The following SIPA1L3 variants were observed in gnomAD, a reference collection of about 807,000 sequenced individuals.
SIPA1L3 encodes signal induced proliferation associated 1 like 3.
Under a neutral mutation model 150.1 loss-of-function variants are expected in SIPA1L3, and 59 were observed. The observed-to-expected ratio is 0.39, with a 90% CI of 0.32 to 0.49. The LOEUF (loss-of-function observed/expected upper bound fraction) is 0.49. SIPA1L3 is among the 20% of genes least tolerant of loss of function. The pLI, the probability that SIPA1L3 is intolerant of heterozygous loss-of-function variation, is 0.86. For missense variants in SIPA1L3, 2,211 were observed against 2,489.5 expected (o/e 0.89, Z 2.38); for synonymous variants, 1,070 against 1,077.6 (o/e 0.99, Z 0.14).
intron 1 of SIPA1L3, among the ~76,000 whole-genome samples, chr19:37,928,986 G>A (rs968296237): frequency 3.9e-5 from 6 of 152,328 alleles, no homozygotes; most frequent in Admixed American, 1.3e-4. Context: ...CAAGGCTCCA[G>A]TTGGCACACA....
At chr19:38,146,119 A>G (rs759587465) in intron 12 of SIPA1L3, among the ~76,000 whole-genome samples, 1 of 152,208 alleles carries the variant, frequency 6.6e-6, no homozygotes, top group Non-Finnish European at 1.5e-5. Flanking sequence ...CCACCTGGAC[A>G]TCCCAAAGTG....
chr19:38,200,571 A>T (rs1650317894), intron 19 of SIPA1L3: 1 of 152,120 alleles, frequency 6.6e-6, no homozygotes, highest in East Asian at 1.9e-4. Context: ...TTCAAGATAG[A>T]AAAAAATAGC....
At chr19:37,972,167 TAG>T (rs1491162240) in intron 1 of SIPA1L3, among the ~76,000 whole-genome samples, 2 of 77,582 alleles carry the variant, frequency 2.6e-5, no homozygotes, top group Non-Finnish European at 5.1e-5. Flanking sequence ...CAGAGATACC[TAG>T]TGTGTGTGTG....
At chr19:38,201,692 T>C (rs1000852291) in intron 19 of SIPA1L3, among the ~76,000 whole-genome samples, 170 bp from the exon 20 acceptor site, 2 of 152,186 alleles carry the variant, frequency 1.3e-5, no homozygotes, top group African/African-American at 4.8e-5. Flanking sequence ...TCTTGTTTTG[T>C]GTGTTCATTT....
At chr19:38,002,082 C>G (rs543001049) in intron 1 of SIPA1L3, among the ~76,000 whole-genome samples, 1 of 152,192 alleles carries the variant, frequency 6.6e-6, no homozygotes, top group South Asian at 2.1e-4. Context: ...ATGTACCTTA[C>G]GTGTGCAGTT....
At chr19:38,141,555 C>A in intron 11 of SIPA1L3, 120 bp downstream of exon 11, 1 of 1,063,826 alleles carries the variant, frequency 9.4e-7, no homozygotes, top group Non-Finnish European at 1.3e-6. Context: ...TTTCGACCTT[C>A]CTTCTTATCC....
At chr19:38,007,566 G>A (rs945668047) in intron 1 of SIPA1L3, among the ~76,000 whole-genome samples, 2 of 151,814 alleles carry the variant, frequency 1.3e-5, no homozygotes, top group African/African-American at 2.4e-5. Context: ...AGATTCCAAT[G>A]CCAGTCAGCC....
At position 38,030,027 on chromosome 19, in the gene SIPA1L3, G is replaced by A. The variant is rs567105166; in HGVS notation, c.-311+871G>A. On this transcript the variant is annotated intron_variant, in intron 2 of 21. Transcript: ENST00000222345. ...CTGACATCATGCCCGGCTGATTTTT[G>A]TATTTTTGTAGAGATGAGGTTTCAC... 5.3e-5 allele frequency among the ~76,000 whole-genome samples: 8 copies of A among 151,898 alleles called. No homozygotes were observed. In the South Asian group the frequency reaches 1.3e-3, roughly 24 times the overall value.
chr19:38,026,624 GCCCCCACACTCC>G (rs1736222891), intron 1 of SIPA1L3, among the ~76,000 whole-genome samples: 1 of 152,116 alleles, frequency 6.6e-6, no homozygotes, highest in Non-Finnish European at 1.5e-5. Flanking sequence ...AGCTGAATCT[GCCCCCACACTCC>G]CCAGTTGTTC....
chr19:37,988,839 C>T (rs1470046616), intron 1 of SIPA1L3, among the ~76,000 whole-genome samples: 2 of 152,148 alleles, frequency 1.3e-5, no homozygotes, highest in East Asian at 3.9e-4. Context: ...TCCTAGAACG[C>T]ACCAGGCACG....
chr19:38,175,895 A>G (rs1009020329), intron 15 of SIPA1L3, among the ~76,000 whole-genome samples: 1 of 152,138 alleles, frequency 6.6e-6, no homozygotes, highest in Non-Finnish European at 1.5e-5. Context: ...ACGCATGGGC[A>G]CACTGGCGCT....
chr19:38,045,851 A>G (rs1969044841), intron 2 of SIPA1L3, among the ~76,000 whole-genome samples: 1 of 152,052 alleles, frequency 6.6e-6, no homozygotes, highest in Admixed American at 6.6e-5. Context: ...GCGGGAAGGA[A>G]AACTTGGGTC....
At position 38,110,275 on chromosome 19, in the gene SIPA1L3, C is replaced by T; in HGVS notation, c.2182C>T (p.Gln728Ter). The T allele has an allele frequency of 6.2e-7, 1 of 1,614,188 alleles. No individual in the cohort carries two copies. The highest frequency in any genetic ancestry group is 1.3e-5 in the African/African-American group (1 of 75,036). Residue 728 changes from glutamine (Q) to a stop codon, truncating the protein, a stop_gained, in exon 8 of 22, where the codon CAG becomes TAG. Coordinates refer to ENST00000222345, the MANE Select transcript of SIPA1L3 (RefSeq NM_015073.3). LOFTEE classifies it high-confidence loss of function. ...IGNDIVTIIFQEPGALPFTPK... is the reference protein window; with the variant it reads ...IGNDIVTIIF ...AAATGACATCGTGACGATCATCTTC[C>T]AGGAGCCTGGCGCGCTACCGTTCAC...
rs774531989 is a variant in SIPA1L3, at chr19:38,193,591, G to A, written c.4651G>A (p.Gly1551Arg). 19 of 1,557,590 alleles carry A rather than the reference G, an allele frequency of 1.2e-5. No individual in the cohort carries two copies. Among genetic ancestry groups the A allele is most frequent in the East Asian group, 4.7e-5 (2 of 42,208 alleles). ...GCTGTCGGACGAGAGCCTGTGCAGCGGGCGCCGGGAGCCCAGCTTCGCCAG... is the reference window on the plus strand; with the variant it reads ...GCTGTCGGACGAGAGCCTGTGCAGCAGGCGCCGGGAGCCCAGCTTCGCCAG... ...RTLSDESLCS[G>R]RREPSFASPA... is the part of the protein sequence containing the mutation. Residue 1551 changes from glycine to arginine, a missense_variant, in exon 18 of 22, where the codon GGG (glycine) becomes AGG (arginine). This residue lies in a region of SIPA1L3 where 806 missense variants were observed against 870.1 expected (regional missense o/e 0.93). Transcript: ENST00000222345.
intron 9 of SIPA1L3, among the ~76,000 whole-genome samples, chr19:38,130,135 A>G (rs1406293926): frequency 1.3e-5 from 2 of 152,224 alleles, no homozygotes; most frequent in African/African-American, 2.4e-5. Context: ...TGCCACTCGC[A>G]ACTCTTTGGC....
intron 2 of SIPA1L3, among the ~76,000 whole-genome samples, chr19:38,063,984 G>A (rs1969511401): frequency 6.6e-6 from 1 of 152,190 alleles, no homozygotes; most frequent in East Asian, 1.9e-4. Context: ...AACAACAGAG[G>A]CCTCTCACCT....
At chr19:38,186,716 C>T (rs1423776121) in intron 16 of SIPA1L3, among the ~76,000 whole-genome samples, 1 of 150,292 alleles carries the variant, frequency 6.7e-6, no homozygotes, top group Non-Finnish European at 1.5e-5. Flanking sequence ...CCGAGTGTGG[C>T]GCGGTGGCTC....
intron 8 of SIPA1L3, among the ~76,000 whole-genome samples, chr19:38,113,929 G>A (rs993788904): frequency 1.3e-5 from 2 of 152,052 alleles, no homozygotes; most frequent in East Asian, 1.9e-4. Flanking sequence ...TGCAATTTCC[G>A]AATGGCCACC....
intron 1 of SIPA1L3, among the ~76,000 whole-genome samples, chr19:37,986,350 G>T (rs1344184514): frequency 6.6e-6 from 1 of 152,190 alleles, no homozygotes; most frequent in African/African-American, 2.4e-5. Flanking sequence ...ATTTTAACTC[G>T]AGGTGAGATG....
Sources: allele counts gnomAD v4.1 joint callset (sites outside exome capture counted in the v4.1 genomes callset), GRCh38; gene constraint gnomAD v4.1.1; regional missense constraint gnomAD v4.1.1; transcripts MANE v1.5; gene names NCBI Gene and HGNC (gene_info 2026-07-23, HGNC 2026-07-21).